AHCY: variants seen among roughly 807,000 people sequenced by gnomAD.
AHCY encodes S-adenosyl-L-homocysteine hydrolase.
AHCY carries 24 observed loss-of-function variants against 45.4 expected under a neutral mutation model. That is an observed-to-expected ratio of 0.53 (90% CI 0.38 to 0.74). The LOEUF (loss-of-function observed/expected upper bound fraction) is 0.74, where lower values mean the gene tolerates loss of function less well. Ranked by LOEUF, AHCY falls within the 30% of genes least tolerant of loss-of-function variation. The pLI, the probability that AHCY is intolerant of heterozygous loss-of-function variation, is 0.00. For missense variants in AHCY, 449 were observed against 594.1 expected, an observed-to-expected ratio of 0.76 and a Z score of 2.54; for synonymous variants, 245 against 235.1, an observed-to-expected ratio of 1.04 and a Z score of -0.39.
Position 34,290,305 on chromosome 20 carries a change from C to A in AHCY, c.972+27G>T, listed in dbSNP as rs754477055. 3.7e-6 allele frequency: 6 copies of A among 1,607,722 alleles called. No individual in the cohort carries two copies. In the Admixed American group the frequency reaches 6.7e-5, roughly 18 times the overall value. ...CTCCTCTGCACTCCCATCTGCCCAG[C>A]CCACTGGCAAGGCGGGAGCTTCTCA... On this transcript the variant is annotated intron_variant, in intron 8 of 9. Transcript: ENST00000217426. This position sits in a 1 kb window ranked among gnomAD's most constrained non-coding sequence, Gnocchi z 4.5.
chr20:34,270,325 CCTTAACACAAGAAA>C, the AHCY span, among the ~76,000 whole-genome samples: 3 of 151,936 alleles, frequency 2.0e-5, no homozygotes, highest in Non-Finnish European at 4.4e-5. Flanking sequence ...CCTCTCTGTT[CCTTAACACAAGAAA>C]CAAACACACA....
Position 34,292,387 on chromosome 20 carries a change from A to G in AHCY, c.416T>C (p.Ile139Thr), listed in dbSNP as rs755697459. 20 of 1,613,448 alleles carry G rather than the reference A, an allele frequency of 1.2e-5. No individual in the cohort carries two copies. The highest frequency in any genetic ancestry group is 2.2e-5 in the East Asian group (1 of 44,904). ...LDDGGDLTNL[I>T]HTKYPQLLPG... ...CAGAAGCTGCGGGTACTTGGTGTGG[A>G]TGAGGTTGGTGAGGTCGCCCCCGTC... The change falls in exon 4 of 10, where the codon ATC (isoleucine) becomes ACC (threonine). Residue 139 changes from isoleucine (I) to threonine (T), a missense_variant. Coordinates refer to ENST00000217426, the MANE Select transcript of AHCY (RefSeq NM_000687.4).
In AHCY at chr20:34,280,909, A is replaced by G; in HGVS notation, c.*125T>C. ...AGCAGAGGCCAAAAACTAAGTGATC[A>G]GCCCCAGAGAGTCGATGGGGGACAC... On this transcript the variant is annotated 3_prime_UTR_variant, in exon 10 of 10. Coordinates refer to ENST00000217426, the MANE Select transcript of AHCY (RefSeq NM_000687.4). 9 of 1,430,288 alleles carry G rather than the reference A, an allele frequency of 6.3e-6. No individual in the cohort carries two copies. The highest frequency in any genetic ancestry group is 8.6e-6 in the Non-Finnish European group (9 of 1,045,044). The allele number at this position is 1,430,288 out of a possible 1,614,324, so 88.6% of individuals were successfully genotyped here. A position where few individuals can be genotyped will look rare whatever the true frequency, so the allele number is the denominator to read the frequency against.
chr20:34,262,989 G>C, the AHCY span: 11 of 1,397,174 alleles, frequency 7.9e-6, no homozygotes, highest in South Asian at 8.6e-5. Flanking sequence ...CTAAATGAAA[G>C]ATTTTTCAGG....
chr20:34,295,238 A>G, intron 2 of AHCY, 157 bp downstream of exon 2: 1 of 904,418 alleles, frequency 1.1e-6, no homozygotes, highest in Non-Finnish European at 1.8e-6. Context: ...GGGTGGCAGC[A>G]CTGGGAAACG....
chr20:34,285,310 C>T lies in AHCY; in HGVS notation c.1167+130G>A, dbSNP rs967117486. ...GTCAATGGGGAGAATGACTTCTGCA[C>T]TGTAGAGGACCCCATGAGGGCCTCT... is the stretch of plus-strand genomic sequence containing the variant. On this transcript the variant is annotated intron_variant, in intron 9 of 9. Coordinates refer to ENST00000217426, the MANE Select transcript of AHCY (RefSeq NM_000687.4). 4.1e-6 allele frequency: 4 copies of T among 979,984 alleles called. No homozygotes were observed. The Admixed American group carries it at 6.1e-5, about 15-fold the overall frequency. 60.7% of individuals were successfully genotyped at this position (979,984 alleles called of 1,614,324 possible). A position where few individuals can be genotyped will look rare whatever the true frequency, so the allele number is the denominator to read the frequency against.
chr20:34,251,412 A>G, the AHCY span, among the ~76,000 whole-genome samples: 1 of 151,902 alleles, frequency 6.6e-6, no homozygotes, highest in Non-Finnish European at 1.5e-5. Context: ...CTGGGACTAC[A>G]GGTGCCCGCC....
In AHCY at chr20:34,280,946, T is replaced by G; in HGVS notation, c.*88A>C. On this transcript the variant is annotated 3_prime_UTR_variant, in exon 10 of 10. Transcript: ENST00000217426. ...TCGATGGGGGACACTGACAAACCAA[T>G]CACAAAGTTGGTGCCATTAGCTCTT... is the stretch of plus-strand genomic sequence containing the variant. 1 of 1,582,894 alleles carries G rather than the reference T, an allele frequency of 6.3e-7. No homozygotes were observed. The highest frequency in any genetic ancestry group is 8.6e-7 in the Non-Finnish European group (1 of 1,162,094).
chr20:34,254,628 G>A, the AHCY span, among the ~76,000 whole-genome samples: 3 of 152,094 alleles, frequency 2.0e-5, no homozygotes, highest in Admixed American at 6.6e-5. Context: ...GAAGATCCAT[G>A]CCTTTTTGCT....
intron 5 of AHCY, among the ~76,000 whole-genome samples, chr20:34,291,208 T>C (rs2036377227): frequency 6.6e-6 from 1 of 152,210 alleles, no homozygotes; most frequent in South Asian, 2.1e-4. Context: ...TTGCTTAACT[T>C]GAAAGCTCTT....
the AHCY span, chr20:34,260,396 C>G: frequency 1.9e-6 from 3 of 1,614,006 alleles, no homozygotes; most frequent in Non-Finnish European, 2.5e-6. Flanking sequence ...CCGCTTACTC[C>G]TGGCCACCCT....
chr20:34,236,124 GA>G, the AHCY span, among the ~76,000 whole-genome samples: 1 of 151,420 alleles, frequency 6.6e-6, no homozygotes, highest in Admixed American at 6.6e-5. Context: ...GAAAGGAGTG[GA>G]AAGGAAAGGA....
At chr20:34,269,748 CA>C in the AHCY span, among the ~76,000 whole-genome samples, 2 of 151,798 alleles carry the variant, frequency 1.3e-5, no homozygotes, top group South Asian at 4.2e-4. Context: ...AGATCGAGAC[CA>C]TCCTGACCAA....
intron 1 of AHCY, among the ~76,000 whole-genome samples, chr20:34,297,099 G>A (rs1354898458): frequency 6.6e-6 from 1 of 152,014 alleles, no homozygotes; most frequent in Non-Finnish European, 1.5e-5. Context: ...CAACAAGGCT[G>A]TGGCCTGTCA....
chr20:34,282,333 C>T (rs1198014809), intron 9 of AHCY, among the ~76,000 whole-genome samples: 3 of 152,240 alleles, frequency 2.0e-5, no homozygotes, highest in Non-Finnish European at 4.4e-5. Flanking sequence ...TGAAGAGGAT[C>T]TTCCAGACCC....
Position 34,281,516 on chromosome 20 carries a change from C to T in AHCY, c.1168-351G>A, listed in dbSNP as rs930926781. The T allele has an allele frequency of 2.2e-5, 8 of 364,392 alleles. 1 individual carries two copies. The highest frequency in any genetic ancestry group is 1.9e-3 in the Middle Eastern group (2 of 1,054). 22.6% of individuals were successfully genotyped at this position (364,392 alleles called of 1,614,324 possible). ...ACAGGCAGAGACAAGGTGCTCCAAC[C>T]CCACTGGGATTCCTAAACAGGGAAG... is the stretch of plus-strand genomic sequence containing the variant. On this transcript the variant is annotated intron_variant, in intron 9 of 9. Transcript: ENST00000217426.
At chr20:34,298,609 A>AGGGGGGGGGGGGGGGGGGGGGGGGGGG (rs35505406) in intron 1 of AHCY, among the ~76,000 whole-genome samples, 1 of 83,114 alleles carries the variant, frequency 1.2e-5, no homozygotes, top group African/African-American at 3.4e-5. Context: ...CGGCGGCGGG[A>AGGGGGGGGGGGGGGGGGGGGGGGGGGG]GGGGGGGGGG....
At chr20:34,303,148 C>A in intron 1 of AHCY, 95 bp downstream of exon 1, 1 of 1,538,602 alleles carries the variant, frequency 6.5e-7, no homozygotes, top group Non-Finnish European at 8.8e-7. Context: ...TCCAGGGGGT[C>A]CAGAGAGCCC....
the AHCY span, among the ~76,000 whole-genome samples, chr20:34,243,696 G>A: frequency 6.7e-6 from 1 of 149,714 alleles, no homozygotes; most frequent in African/African-American, 2.5e-5. Context: ...CACAGTTAAT[G>A]CAGAATTTCA....
Sources: gnomAD v4.1 joint callset for allele counts (sites outside exome capture counted in the v4.1 genomes callset) on GRCh38, gnomAD v4.1.1 for gene constraint, Gnocchi (gnomAD v3.1) non-coding constraint, MANE v1.5 for transcripts, NCBI Gene and HGNC (gene_info 2026-07-23, HGNC 2026-07-21) for gene names.